The following CFAP221 variants were observed in gnomAD, a reference collection of about 807,000 sequenced individuals.
CFAP221 encodes cilia and flagella associated protein 221, also known as cilia- and flagella-associated protein 221.
A neutral mutation model predicts 113.1 loss-of-function variants in CFAP221; 97 were observed. The ratio of observed to expected loss-of-function variants is 0.86; its 90% CI spans 0.73 to 1.02. The LOEUF is 1.02. Among genes scored for constraint, CFAP221 ranks in the 50% least tolerant of loss-of-function variants. The pLI, the probability that CFAP221 is intolerant of heterozygous loss-of-function variation, is 0.00. For missense variants in CFAP221, 1,025 were observed against 1,013.4 expected, an observed-to-expected ratio of 1.01 and a Z score of -0.16; for synonymous variants, 331 against 354.4, an observed-to-expected ratio of 0.93 and a Z score of 0.74.
intron 21 of CFAP221, among the ~76,000 whole-genome samples, chr2:119,646,158 A>G (rs1479606075): frequency 1.3e-5 from 2 of 152,246 alleles, no homozygotes; most frequent in African/African-American, 2.4e-5. Context: ...GGAGGAAGAT[A>G]TGAAATGGAA....
chr2:119,609,505 G>A lies in CFAP221; in HGVS notation c.1221+916G>A, dbSNP rs138440139. The stretch of plus-strand genomic sequence containing the variant: ...TCCAGACCTCTCTCCTTGGCTTATT[G>A]GTGGCCACCTTCTCCTCATATCTTC... On this transcript the variant is annotated intron_variant, in intron 12 of 23. Coordinates refer to ENST00000413369, the MANE Select transcript of CFAP221 (RefSeq NM_001271049.2). Among the ~76,000 whole-genome samples the A allele has an allele frequency of 3.6e-3, 550 of 152,174 alleles. 1 individual carries two copies. Among genetic ancestry groups the A allele is most frequent in the African/African-American group, 0.013 (529 of 41,520 alleles).
intron 7 of CFAP221, among the ~76,000 whole-genome samples, chr2:119,588,508 A>G (rs1401949190): frequency 6.6e-6 from 1 of 152,222 alleles, no homozygotes; most frequent in East Asian, 1.9e-4. Context: ...AACACAACCT[A>G]TTCAAAATCA....
At chr2:119,653,239 G>T (rs1688233379) in intron 23 of CFAP221, among the ~76,000 whole-genome samples, 1 of 151,874 alleles carries the variant, frequency 6.6e-6, no homozygotes, top group South Asian at 2.1e-4. Flanking sequence ...AAATTAGCTG[G>T]GCGTGGTGGC....
intron 12 of CFAP221, among the ~76,000 whole-genome samples, chr2:119,611,079 T>G (rs867770206): frequency 6.6e-6 from 1 of 152,012 alleles, no homozygotes; most frequent in Admixed American, 6.5e-5. Flanking sequence ...GGAAGACCTG[T>G]CAGCTTCCAC....
chr2:119,609,920 A>C (rs376885503), intron 12 of CFAP221, among the ~76,000 whole-genome samples: 1 of 152,176 alleles, frequency 6.6e-6, no homozygotes, highest in Non-Finnish European at 1.5e-5. Context: ...TTCATTTTTC[A>C]TAAGACAAAA....
rs574411293 is a variant in CFAP221, at chr2:119,629,456, A to G, written c.1651-419A>G. Among the ~76,000 whole-genome samples, 5 of 152,314 alleles carry G rather than the reference A, an allele frequency of 3.3e-5. No individual in the cohort carries two copies. In the South Asian group the frequency reaches 1.0e-3, roughly 32 times the overall value. On this transcript the variant is annotated intron_variant, in intron 16 of 23. Coordinates refer to ENST00000413369, the MANE Select transcript of CFAP221 (RefSeq NM_001271049.2). Reference sequence around the variant, plus strand: ...ATGTTTCCCGTGGCTTCAACCTGCCATGGAGGTGAGCTGCCTGGGAGGAGC... The same window carrying G: ...ATGTTTCCCGTGGCTTCAACCTGCCGTGGAGGTGAGCTGCCTGGGAGGAGC...
intron 6 of CFAP221, among the ~76,000 whole-genome samples, chr2:119,575,272 C>G (rs551934187): frequency 6.6e-6 from 1 of 152,088 alleles, no homozygotes; most frequent in Non-Finnish European, 1.5e-5. Context: ...TGCCTTCCTC[C>G]CCTCGACCAT....
chr2:119,615,490 A>G, intron 13 of CFAP221, 121 bp from the exon 14 acceptor site: 1 of 733,278 alleles, frequency 1.4e-6, no homozygotes, highest in Non-Finnish European at 2.2e-6. Context: ...AATGCTCACT[A>G]AGCAATACAA....
intron 12 of CFAP221, among the ~76,000 whole-genome samples, chr2:119,611,103 G>A (rs1372625743): frequency 6.6e-6 from 1 of 152,080 alleles, no homozygotes; most frequent in East Asian, 2.0e-4. Flanking sequence ...CCAGGAGAAG[G>A]AAGGAATCCC....
In CFAP221 at chr2:119,650,378, A is replaced by G. The variant is rs543953525; in HGVS notation, c.2319-1596A>G. Reference sequence around the variant, plus strand: ...CTGCATGACAGCATTTCTTGAGAGGACTGCAGCCAGGGTGGGATGATTCAT... The same window carrying G: ...CTGCATGACAGCATTTCTTGAGAGGGCTGCAGCCAGGGTGGGATGATTCAT... On this transcript the variant is annotated intron_variant, in intron 22 of 23. Transcript: ENST00000413369. Among the ~76,000 whole-genome samples, 9 of 152,308 alleles carry G rather than the reference A, an allele frequency of 5.9e-5. 2 individuals are homozygous for G. The South Asian group carries it at 1.9e-3, about 32-fold the overall frequency.
chr2:119,560,756 A>T (rs1161043359), intron 5 of CFAP221, among the ~76,000 whole-genome samples: 1 of 152,188 alleles, frequency 6.6e-6, no homozygotes, highest in African/African-American at 2.4e-5. Flanking sequence ...CTGCACAATA[A>T]GGTGACTTGC....
chr2:119,576,419 C>T (rs1435159264), intron 6 of CFAP221, among the ~76,000 whole-genome samples: 2 of 152,152 alleles, frequency 1.3e-5, no homozygotes, highest in Admixed American at 1.3e-4. Flanking sequence ...GTGTTCTCAT[C>T]ATTCAGCTCT....
intron 5 of CFAP221, 133 bp from the exon 6 acceptor site, chr2:119,561,880 TA>T: frequency 1.5e-6 from 1 of 666,412 alleles, no homozygotes; most frequent in East Asian, 2.8e-5. Context: ...TCTAATGTTG[TA>T]GTTAAGCGCT....
At chr2:119,554,683 G>A (rs1265867599) in intron 3 of CFAP221, among the ~76,000 whole-genome samples, 1 of 152,132 alleles carries the variant, frequency 6.6e-6, no homozygotes, top group Non-Finnish European at 1.5e-5. Context: ...GTGGGGTTGG[G>A]GGAATTGAAG....
Position 119,647,092 on chromosome 2 carries a change from G to A in CFAP221, c.2318+42G>A, listed in dbSNP as rs780722611. On this transcript the variant is annotated intron_variant, in intron 22 of 23. Transcript: ENST00000413369. ...TAATCTTTGGCCTCTAATGTGGTCT[G>A]TTTTCCAAAAATATGTGAGGTGCTG... The A allele has an allele frequency of 8.5e-6, 13 of 1,521,828 alleles. No individual in the cohort carries two copies. In the Admixed American group the frequency reaches 1.1e-4, roughly 13 times the overall value. The allele number at this position is 1,521,828 out of a possible 1,614,324, so 94.3% of individuals were successfully genotyped here. A position where few individuals can be genotyped will look rare whatever the true frequency, so the allele number is the denominator to read the frequency against.
intron 13 of CFAP221, among the ~76,000 whole-genome samples, chr2:119,614,052 C>T (rs1386235777): frequency 2.6e-5 from 4 of 152,236 alleles, no homozygotes; most frequent in African/African-American, 9.6e-5. Flanking sequence ...CAAAGTTCCA[C>T]AGATCTCTAG....
rs62159784 is a variant in CFAP221, at chr2:119,566,516, T to G, written c.527+4402T>G. On this transcript the variant is annotated intron_variant, in intron 6 of 23. Transcript: ENST00000413369. ...TCGAGCTATCCTACTCTGTGCTGAC[T>G]GCAGTCCAGCCTTGCTCCTTCTCTG... Among the ~76,000 whole-genome samples the G allele has an allele frequency of 5.6e-3, 852 of 152,350 alleles. 6 individuals carry two copies. Among genetic ancestry groups the G allele is most frequent in the Non-Finnish European group, 9.5e-3 (647 of 68,040 alleles).
At chr2:119,646,621 G>A (rs559230546) in intron 21 of CFAP221, among the ~76,000 whole-genome samples, 281 of 152,270 alleles carry the variant, frequency 1.8e-3, no homozygotes, top group African/African-American at 6.4e-3. Context: ...TTCAACCTGA[G>A]ATTTGGTGGG....
At chr2:119,579,208 T>C (rs1188046284) in intron 6 of CFAP221, among the ~76,000 whole-genome samples, 2 of 152,044 alleles carry the variant, frequency 1.3e-5, no homozygotes, top group Non-Finnish European at 2.9e-5. Context: ...TGTACTTGCC[T>C]TAATATTTTA....
Sources: gnomAD v4.1 joint callset for allele counts (sites outside exome capture counted in the v4.1 genomes callset) on GRCh38, gnomAD v4.1.1 for gene constraint, MANE v1.5 for transcripts, NCBI Gene and HGNC (gene_info 2026-07-23, HGNC 2026-07-21) for gene names.